Variants in PDE4D observed in about 807,000 individuals in gnomAD.
PDE4D encodes phosphodiesterase 4D.
PDE4D carries 24 observed loss-of-function variants against 87.4 expected under a neutral mutation model. That is an observed-to-expected ratio of 0.27 (90% CI 0.20 to 0.39). The LOEUF (loss-of-function observed/expected upper bound fraction) is 0.39. PDE4D is among the 10% of genes least tolerant of loss of function. PDE4D has a pLI of 1.00. For missense variants in PDE4D, 714 were observed against 1,041.0 expected (o/e 0.69, Z 4.32); for synonymous variants, 384 against 383.2 (o/e 1.00, Z -0.02).
At chr5:59,568,241 G>A (rs567359740) in intron 1 of PDE4D, among the ~76,000 whole-genome samples, 7 of 152,124 alleles carry the variant, frequency 4.6e-5, no homozygotes, top group Non-Finnish European at 5.9e-5. Flanking sequence ...GTACCCAATG[G>A]CCAAAGCTGG....
At chr5:59,292,441 C>A (rs750525044) in intron 1 of PDE4D, among the ~76,000 whole-genome samples, 9 of 152,104 alleles carry the variant, frequency 5.9e-5, no homozygotes, top group Non-Finnish European at 1.3e-4. Flanking sequence ...CTTTCCACAA[C>A]GTAGATTATT....
intron 1 of PDE4D, among the ~76,000 whole-genome samples, chr5:59,551,634 C>A (rs1818139118): frequency 6.6e-6 from 1 of 152,038 alleles, no homozygotes; most frequent in South Asian, 2.1e-4. Context: ...ATGATATAAT[C>A]TCTGGAATGG....
chr5:59,194,906 T>C (rs1236993472), intron 2 of PDE4D, among the ~76,000 whole-genome samples: 1 of 152,200 alleles, frequency 6.6e-6, no homozygotes, highest in Non-Finnish European at 1.5e-5. Flanking sequence ...TGGGGGCCTG[T>C]GAGAAGTAAT....
chr5:59,239,803 C>T (rs1561787441), intron 1 of PDE4D, among the ~76,000 whole-genome samples: 1 of 152,138 alleles, frequency 6.6e-6, no homozygotes, highest in Non-Finnish European at 1.5e-5. Flanking sequence ...TACTTGCCAG[C>T]TAGGGGACCT....
At chr5:59,000,742 G>A (rs1371911505) in intron 6 of PDE4D, among the ~76,000 whole-genome samples, 1 of 152,186 alleles carries the variant, frequency 6.6e-6, no homozygotes, top group Non-Finnish European at 1.5e-5. Context: ...AGGCTAGAGT[G>A]CAGTAGTGCG....
chr5:59,387,347 A>G (rs1231833194), intron 1 of PDE4D, among the ~76,000 whole-genome samples: 1 of 152,156 alleles, frequency 6.6e-6, no homozygotes, highest in Non-Finnish European at 1.5e-5. Context: ...TTAGCATTCC[A>G]CAAAACCTAC....
In PDE4D at chr5:59,275,252, C is replaced by T. The variant is rs1764568481; in HGVS notation, c.456-59284G>A. On this transcript the variant is annotated intron_variant, in intron 1 of 14. Coordinates refer to ENST00000340635, the MANE Select transcript of PDE4D (RefSeq NM_001104631.2). ...AATACTGCCTTCTTTCACAAAGCCTCGACATCACACAACTTACTAAATACT... is the reference window on the plus strand; with the variant it reads ...AATACTGCCTTCTTTCACAAAGCCTTGACATCACACAACTTACTAAATACT... 4 of 1,065,856 alleles carry T rather than the reference C, an allele frequency of 3.8e-6. No individual in the cohort carries two copies. The South Asian group carries it at 4.3e-5, about 11-fold the overall frequency. The allele number at this position is 1,065,856 out of a possible 1,614,324, so 66.0% of individuals were successfully genotyped here.
chr5:59,924,825 G>A (rs1755063506), intron 3 of PDE4D, among the ~76,000 whole-genome samples: 2 of 152,230 alleles, frequency 1.3e-5, no homozygotes, highest in South Asian at 4.2e-4. Flanking sequence ...CATTATAATT[G>A]CGATGTTTAA....
At chr5:60,120,713 T>A (rs1168986584) in intron 2 of PDE4D, among the ~76,000 whole-genome samples, 1 of 152,104 alleles carries the variant, frequency 6.6e-6, no homozygotes, top group Admixed American at 6.6e-5. Context: ...AAGTTTATAC[T>A]CCCACATCTT....
intron 11 of PDE4D, among the ~76,000 whole-genome samples, chr5:58,981,406 AACTTAAATACTATGATATAAAATAAAT>A (rs1376227785): frequency 2.0e-5 from 3 of 152,080 alleles, no homozygotes; most frequent in Non-Finnish European, 4.4e-5. Flanking sequence ...GATAGCCTAT[AACTTAAATACTATGATATAAAATAAAT>A]ACTTAAATAC....
At chr5:59,090,807 C>CTTTTTTTTTT (rs61610340) in intron 5 of PDE4D, among the ~76,000 whole-genome samples, 1 of 106,024 alleles carries the variant, frequency 9.4e-6, no homozygotes, top group African/African-American at 3.5e-5. Context: ...TTTTCTTTTT[C>CTTTTTTTTTT]TTTTTTTTTT....
intron 5 of PDE4D, among the ~76,000 whole-genome samples, chr5:59,129,006 TC>T (rs1204165298): frequency 6.6e-6 from 1 of 152,330 alleles, no homozygotes; most frequent in East Asian, 1.9e-4. Context: ...GGTATGCTTT[TC>T]CTACTACAAC....
chr5:59,560,513 T>G (rs1055172355), intron 1 of PDE4D, among the ~76,000 whole-genome samples: 2 of 152,230 alleles, frequency 1.3e-5, no homozygotes, highest in African/African-American at 4.8e-5. Context: ...CTCCGCTATC[T>G]CTGCGACTTT....
At chr5:59,250,725 C>A (rs918631607) in intron 1 of PDE4D, among the ~76,000 whole-genome samples, 1 of 152,038 alleles carries the variant, frequency 6.6e-6, no homozygotes, top group Non-Finnish European at 1.5e-5. Flanking sequence ...ATAGCCAAGG[C>A]AATTCTAATA....
Position 59,720,171 on chromosome 5 carries a change from T to G in PDE4D, c.455+172997A>C, listed in dbSNP as rs574246057. ...TTTACACACTTGTTAAAATGCTCAC[T>G]TTTTTTAAGAGATGGGATCTTGCTC... On this transcript the variant is annotated intron_variant, in intron 1 of 14. Coordinates refer to ENST00000340635, the MANE Select transcript of PDE4D (RefSeq NM_001104631.2). 2.0e-5 allele frequency among the ~76,000 whole-genome samples: 3 copies of G among 152,306 alleles called. No homozygotes were observed. The South Asian group carries it at 6.2e-4, about 32-fold the overall frequency.
rs555259102 is a variant in PDE4D at position 59,231,237 on chromosome 5, G to A, written c.456-15269C>T. The stretch of plus-strand genomic sequence containing the variant: ...CTGAAGACAAAATGACCTTGGGAAA[G>A]CATAGAAGTCAATAATCAGGACTGT... On this transcript the variant is annotated intron_variant, in intron 1 of 14. Transcript: ENST00000340635. Among the ~76,000 whole-genome samples, 87 of 152,288 alleles carry A rather than the reference G, an allele frequency of 5.7e-4. 1 individual carries two copies. The highest frequency in any genetic ancestry group is 3.4e-3 in the Middle Eastern group (1 of 294).
intron 1 of PDE4D, among the ~76,000 whole-genome samples, chr5:59,532,700 C>A (rs1037892776): frequency 6.6e-6 from 1 of 152,158 alleles, no homozygotes; most frequent in East Asian, 1.9e-4. Flanking sequence ...GGTCACAGTT[C>A]ACTCCTCAGA....
At chr5:59,557,230 A>G (rs910079715) in intron 1 of PDE4D, among the ~76,000 whole-genome samples, 1 of 152,194 alleles carries the variant, frequency 6.6e-6, no homozygotes, top group Non-Finnish European at 1.5e-5. Flanking sequence ...TTCTACTTTT[A>G]TCCATAAGGC....
intron 1 of PDE4D, among the ~76,000 whole-genome samples, chr5:59,615,715 T>C (rs1829574789): frequency 2.0e-5 from 3 of 152,230 alleles, no homozygotes; most frequent in Non-Finnish European, 4.4e-5. Flanking sequence ...TCTGATCTCC[T>C]GATTTTACTC....
Sources: gnomAD v4.1 joint callset for allele counts (sites outside exome capture counted in the v4.1 genomes callset) on GRCh38, gnomAD v4.1.1 for gene constraint, MANE v1.5 for transcripts, NCBI Gene and HGNC (gene_info 2026-07-23, HGNC 2026-07-21) for gene names.